The following C1QTNF3 variants were observed in gnomAD, a reference collection of about 807,000 sequenced individuals.
C1QTNF3 encodes the protein complement C1q tumor necrosis factor-related protein 3.
Under a neutral mutation model 32.6 loss-of-function variants are expected in C1QTNF3, and 26 were observed. That is an observed-to-expected ratio of 0.80 (90% confidence interval 0.58 to 1.11). The LOEUF (loss-of-function observed/expected upper bound fraction) is 1.11. Among genes scored for constraint, C1QTNF3 ranks in the 50% least tolerant of loss-of-function variants. C1QTNF3 has a pLI of 0.00. For missense variants in C1QTNF3, 362 were observed against 398.2 expected, an observed-to-expected ratio of 0.91 and a Z score of 0.77; for synonymous variants, 155 against 146.0, an observed-to-expected ratio of 1.06 and a Z score of -0.44.
At chr5:34,128,123 C>A in the C1QTNF3 span, among the ~76,000 whole-genome samples, 2 of 152,246 alleles carry the variant, frequency 1.3e-5, no homozygotes, top group African/African-American at 4.8e-5. Flanking sequence ...TGTGTCCCAG[C>A]AGCTCCAGCT....
the C1QTNF3 span, among the ~76,000 whole-genome samples, chr5:34,080,051 C>A: frequency 6.6e-6 from 1 of 151,642 alleles, no homozygotes; most frequent in South Asian, 2.1e-4. Context: ...AAATTCATCA[C>A]GTTGTATACA....
the C1QTNF3 span, among the ~76,000 whole-genome samples, chr5:34,136,939 T>C: frequency 3.3e-5 from 5 of 152,140 alleles, no homozygotes; most frequent in South Asian, 2.1e-4. Flanking sequence ...TAGGTGGGAA[T>C]TGAACAAGGA....
the C1QTNF3 span, among the ~76,000 whole-genome samples, chr5:34,118,755 T>C: frequency 5.9e-5 from 9 of 152,300 alleles, no homozygotes; most frequent in East Asian, 1.7e-3. Flanking sequence ...ATGTGTCTGA[T>C]TTGGATCTCC....
the C1QTNF3 span, chr5:34,158,588 A>G: frequency 6.6e-6 from 1 of 152,132 alleles, no homozygotes; most frequent in Non-Finnish European, 1.5e-5. Context: ...ACATCTTTTC[A>G]TATAATAATT....
At chr5:34,099,251 C>G in the C1QTNF3 span, among the ~76,000 whole-genome samples, 1 of 152,062 alleles carries the variant, frequency 6.6e-6, no homozygotes, top group Admixed American at 6.6e-5. Context: ...ATTTTTTAAA[C>G]GGCATGTTAA....
chr5:34,055,038 G>C, the C1QTNF3 span, among the ~76,000 whole-genome samples: 1 of 152,168 alleles, frequency 6.6e-6, no homozygotes, highest in Admixed American at 6.5e-5. Flanking sequence ...AAAGGACCAG[G>C]CTTCGAAAAA....
chr5:34,175,713 T>A, the C1QTNF3 span: 1 of 649,852 alleles, frequency 1.5e-6, no homozygotes, highest in East Asian at 2.7e-5. Context: ...TTAAACCAGC[T>A]TCCCCCCTTT....
the C1QTNF3 span, among the ~76,000 whole-genome samples, chr5:34,176,702 C>T: frequency 1.3e-5 from 2 of 151,684 alleles, no homozygotes; most frequent in Non-Finnish European, 2.9e-5. Flanking sequence ...ACAAAAAGTA[C>T]AAAAGTTAGC....
chr5:34,176,886 T>TGAATGAAA, the C1QTNF3 span, among the ~76,000 whole-genome samples: 2 of 147,674 alleles, frequency 1.4e-5, no homozygotes, highest in African/African-American at 5.3e-5. Flanking sequence ...AATGAATGAA[T>TGAATGAAA]GAAAAATGAA....
chr5:34,239,007 T>C, the C1QTNF3 span, among the ~76,000 whole-genome samples: 1 of 152,128 alleles, frequency 6.6e-6, no homozygotes, highest in Non-Finnish European at 1.5e-5. Context: ...TTAATGAAAA[T>C]AAATTCCAGG....
intron 4 of C1QTNF3, among the ~76,000 whole-genome samples, chr5:34,025,004 T>C (rs1043266571): frequency 6.6e-6 from 1 of 152,198 alleles, no homozygotes; most frequent in Non-Finnish European, 1.5e-5. Flanking sequence ...TCAAGTAAGA[T>C]GAAAGTTGTA....
chr5:34,078,978 T>C, the C1QTNF3 span, among the ~76,000 whole-genome samples: 1 of 151,606 alleles, frequency 6.6e-6, no homozygotes, highest in Non-Finnish European at 1.5e-5. The surrounding 1 kb of genome is among the most constrained non-coding windows in gnomAD (Gnocchi z 4.0). Flanking sequence ...TCTGCGTTCA[T>C]CTATTATTTT....
the C1QTNF3 span, among the ~76,000 whole-genome samples, chr5:34,136,344 CG>C: frequency 3.7e-3 from 406 of 109,738 alleles, 1 homozygote; most frequent in African/African-American, 0.014. Context: ...GCAAAGGAAA[CG>C]AACAGACACT....
chr5:34,070,929 C>T, the C1QTNF3 span, among the ~76,000 whole-genome samples: 32 of 152,252 alleles, frequency 2.1e-4, no homozygotes, highest in East Asian at 6.2e-3. Flanking sequence ...CAAATAACTT[C>T]AGAGGCTCAA....
chr5:34,156,434 T>A, the C1QTNF3 span, among the ~76,000 whole-genome samples: 1 of 152,328 alleles, frequency 6.6e-6, no homozygotes, highest in African/African-American at 2.4e-5. Context: ...ATTTATACTG[T>A]GATTATTCTT....
the C1QTNF3 span, among the ~76,000 whole-genome samples, chr5:34,210,994 C>A: frequency 6.6e-6 from 1 of 151,638 alleles, no homozygotes; most frequent in Non-Finnish European, 1.5e-5. Flanking sequence ...ACAGACAAAT[C>A]CAAAAACACT....
chr5:34,225,192 A>C, the C1QTNF3 span, among the ~76,000 whole-genome samples: 2 of 151,958 alleles, frequency 1.3e-5, no homozygotes, highest in African/African-American at 4.8e-5. Flanking sequence ...TTTGTGGAAG[A>C]ATGGTTAGGA....
chr5:34,083,932 A>C, the C1QTNF3 span, among the ~76,000 whole-genome samples: 1 of 151,938 alleles, frequency 6.6e-6, no homozygotes, highest in African/African-American at 2.4e-5. Flanking sequence ...CAATTCTCTA[A>C]TACTTATAAA....
the C1QTNF3 span, among the ~76,000 whole-genome samples, chr5:34,233,592 A>C: frequency 6.6e-6 from 1 of 152,022 alleles, no homozygotes; most frequent in Non-Finnish European, 1.5e-5. Flanking sequence ...ATTACACTGA[A>C]CTCAAAAGGA....
Sources: gnomAD v4.1 joint callset for allele counts (sites outside exome capture counted in the v4.1 genomes callset) on GRCh38, gnomAD v4.1.1 for gene constraint, Gnocchi (gnomAD v3.1) non-coding constraint, MANE v1.5 for transcripts, NCBI Gene and HGNC (gene_info 2026-07-23, HGNC 2026-07-21) for gene names.